The following NUB1 variants were observed in gnomAD, a reference collection of about 807,000 sequenced individuals.
The protein encoded by NUB1 is NEDD8 ultimate buster 1.
Under a neutral mutation model 77.1 loss-of-function variants are expected in NUB1, and 41 were observed. The ratio of observed to expected loss-of-function variants is 0.53; its 90% CI spans 0.41 to 0.69. The LOEUF (loss-of-function observed/expected upper bound fraction) is 0.69, where lower values mean the gene tolerates loss of function less well. Ranked by LOEUF, NUB1 falls within the 30% of genes least tolerant of loss-of-function variation. The pLI is 0.00. For missense variants in NUB1, 643 were observed against 743.8 expected (o/e 0.86, Z 1.58); for synonymous variants, 257 against 281.0 (o/e 0.91, Z 0.85).
Position 151,345,422 on chromosome 7 carries a change from C to T in NUB1, c.73C>T (p.Pro25Ser). Residue 25 changes from proline (P) to serine (S), a missense_variant, in exon 2 of 15, where the codon CCT becomes TCT. Physicochemically the swap from Pro to Ser is moderately conservative, Grantham distance 74 (BLOSUM62 -1). Transcript: ENST00000568733. ...GGAAGACAGGATTCAACTTTGGAAA[C>T]CTCCATATACAGATGAAAATAAAAA... ...LREDRIQLWK[P>S]PYTDENKKVG... 1.2e-6 allele frequency: 2 copies of T among 1,609,548 alleles called. No individual in the cohort carries two copies. Among genetic ancestry groups the T allele is most frequent in the Non-Finnish European group, 8.5e-7 (1 of 1,178,282 alleles).
intron 7 of NUB1, among the ~76,000 whole-genome samples, chr7:151,358,817 C>T (rs529912734): frequency 6.6e-6 from 1 of 152,150 alleles, no homozygotes; most frequent in Admixed American, 6.5e-5. Context: ...GTAATCCCAG[C>T]ACTTTGGGAG....
At chr7:151,349,985 CTG>C (rs1796708503) in intron 3 of NUB1, among the ~76,000 whole-genome samples, 2 of 152,332 alleles carry the variant, frequency 1.3e-5, no homozygotes, top group African/African-American at 4.8e-5. Flanking sequence ...AGGGTAAGGA[CTG>C]TGAGTCATCT....
intron 1 of NUB1, chr7:151,342,095 T>C (rs1187755810): frequency 1.0e-5 from 5 of 482,220 alleles, no homozygotes; most frequent in Non-Finnish European, 1.6e-5. Context: ...GTGGGGTATT[T>C]AAAAGAAAAT....
chr7:151,349,342 CTTT>C, intron 3 of NUB1, 102 bp downstream of exon 3: 1 of 985,594 alleles, frequency 1.0e-6, no homozygotes, highest in East Asian at 2.4e-5. Flanking sequence ...AGTCAGAATT[CTTT>C]TAAGTGACTT....
intron 5 of NUB1, among the ~76,000 whole-genome samples, chr7:151,354,314 C>A (rs953284822): frequency 1.3e-4 from 19 of 150,358 alleles, no homozygotes; most frequent in Admixed American, 7.3e-4. Flanking sequence ...GACCTCCCCC[C>A]ACCCTTGCTT....
chr7:151,371,176 C>T (rs6957858), intron 11 of NUB1, among the ~76,000 whole-genome samples: 129,961 of 152,238 alleles, frequency 0.85, 55,611 homozygotes, highest in East Asian at 0.99. Flanking sequence ...GTTACGATGC[C>T]TTTGGCTGAA....
chr7:151,375,781 T>A, intron 12 of NUB1, 67 bp from the exon 13 acceptor site: 1 of 1,049,034 alleles, frequency 9.5e-7, no homozygotes, highest in Non-Finnish European at 1.5e-6. Context: ...CATGGCAGGG[T>A]GCAGCGCCTG....
At chr7:151,364,268 A>G (rs1797532581) in intron 8 of NUB1, among the ~76,000 whole-genome samples, 1 of 149,854 alleles carries the variant, frequency 6.7e-6, no homozygotes, top group African/African-American at 2.4e-5. Context: ...AAAAATACAA[A>G]AAATTAGCCG....
chr7:151,357,812 G>A (rs1797155613), intron 7 of NUB1, among the ~76,000 whole-genome samples: 1 of 151,676 alleles, frequency 6.6e-6, no homozygotes, highest in Non-Finnish European at 1.5e-5. Flanking sequence ...GTTTCGCCAT[G>A]TTGGCCAGAC....
At chr7:151,366,037 TG>T (rs1399991892) in intron 8 of NUB1, among the ~76,000 whole-genome samples, 1 of 152,238 alleles carries the variant, frequency 6.6e-6, no homozygotes, top group African/African-American at 2.4e-5. Flanking sequence ...ATACAATGTG[TG>T]GTTCCAAATG....
intron 10 of NUB1, 110 bp from the exon 11 acceptor site, chr7:151,368,625 A>G: frequency 7.9e-7 from 1 of 1,259,712 alleles, no homozygotes; most frequent in Non-Finnish European, 1.1e-6. Flanking sequence ...CCAAAATCTG[A>G]TGCCTTTTAA....
At chr7:151,361,929 A>G (rs943302809) in intron 8 of NUB1, among the ~76,000 whole-genome samples, 2 of 152,180 alleles carry the variant, frequency 1.3e-5, no homozygotes, top group South Asian at 4.1e-4. Flanking sequence ...ATTCCCTTCC[A>G]TAGTTGTTTC....
intron 7 of NUB1, among the ~76,000 whole-genome samples, chr7:151,359,072 A>G (rs1352553858): frequency 1.3e-5 from 2 of 151,090 alleles, no homozygotes; most frequent in Non-Finnish European, 3.0e-5. Flanking sequence ...CTCAAAAAAA[A>G]AATAAAATAA....
At chr7:151,357,517 G>A (rs1416415459) in intron 7 of NUB1, among the ~76,000 whole-genome samples, 2 of 152,082 alleles carry the variant, frequency 1.3e-5, no homozygotes, top group Non-Finnish European at 2.9e-5. Flanking sequence ...AATGACTATG[G>A]GTCAAATTAA....
intron 8 of NUB1, 94 bp from the exon 9 acceptor site, chr7:151,366,845 G>C (rs2150699464): frequency 1.0e-6 from 1 of 974,356 alleles, no homozygotes; most frequent in East Asian, 2.7e-5. Context: ...ACCAAGAACG[G>C]GGAAAGAATT....
intron 12 of NUB1, 174 bp downstream of exon 12, chr7:151,374,417 C>T: frequency 2.4e-6 from 2 of 820,638 alleles, no homozygotes; most frequent in Admixed American, 4.2e-5. Context: ...TGCGTGAGGC[C>T]ACGTGAGGCC....
chr7:151,367,219 A>G (rs367191), intron 9 of NUB1, 94 bp downstream of exon 9: 824,836 of 955,500 alleles, frequency 0.86, 357,419 homozygotes, highest in East Asian at 0.99. Context: ...GCCAGAAGGT[A>G]ATTTCATTTT....
intron 2 of NUB1, among the ~76,000 whole-genome samples, chr7:151,348,617 C>T (rs1378023224): frequency 8.3e-6 from 1 of 120,476 alleles, no homozygotes; most frequent in African/African-American, 3.2e-5. Flanking sequence ...GCTCTGTCAC[C>T]CAGGGTGGAG....
chr7:151,355,307 T>C (rs1797013359), intron 5 of NUB1, among the ~76,000 whole-genome samples: 1 of 152,214 alleles, frequency 6.6e-6, no homozygotes, highest in Admixed American at 6.5e-5. Flanking sequence ...AACCACTGCT[T>C]AACAGTGACA....
Sources: gnomAD v4.1 joint callset for allele counts (sites outside exome capture counted in the v4.1 genomes callset) on GRCh38, gnomAD v4.1.1 for gene constraint, MANE v1.5 for transcripts, NCBI Gene and HGNC (gene_info 2026-07-23, HGNC 2026-07-21) for gene names.